ACYP2: variants seen among roughly 807,000 people sequenced by gnomAD.
ACYP2 encodes acylphosphatase-2.
Under a neutral mutation model 11.2 loss-of-function variants are expected in ACYP2, and 12 were observed. That is an observed-to-expected ratio of 1.08 (90% confidence interval 0.69 to 1.74). The LOEUF is 1.74. Among genes scored for constraint, ACYP2 ranks in the 40% most tolerant of loss-of-function variants. The probability of loss-of-function intolerance (pLI) is 0.00; values close to 1 mark genes in which losing one functional copy is unlikely to be tolerated. For synonymous variants in ACYP2, 43 were observed against 32.2 expected (o/e 1.33, Z -1.13); for missense variants, 134 against 101.9 (o/e 1.31, Z -1.35).
At chr2:54,171,652 C>T (rs1294850204) in intron 6 of ACYP2, among the ~76,000 whole-genome samples, 2 of 151,368 alleles carry the variant, frequency 1.3e-5, no homozygotes, top group Non-Finnish European at 2.9e-5. Context: ...GTTTTTTTTT[C>T]CTGTAAGAGC....
chr2:54,236,647 G>A (rs1037967874), intron 6 of ACYP2, among the ~76,000 whole-genome samples: 1 of 152,124 alleles, frequency 6.6e-6, no homozygotes, highest in African/African-American at 2.4e-5. Context: ...AAGCCAATGT[G>A]TATATTCTGA....
chr2:54,224,357 C>T (rs1572958621), intron 6 of ACYP2, among the ~76,000 whole-genome samples: 1 of 152,180 alleles, frequency 6.6e-6, no homozygotes, highest in African/African-American at 2.4e-5. Context: ...AGCTATGAAA[C>T]AGTTTTCAGC....
rs1335456930 is a variant in ACYP2, at chr2:54,197,935, ATGTATTATAT to A, written c.404+59194_404+59203del. Among the ~76,000 whole-genome samples the A allele has an allele frequency of 4.2e-3, 547 of 131,008 alleles. 42 individuals carry two copies. Among genetic ancestry groups the A allele is most frequent in the East Asian group, 0.012 (51 of 4,254 alleles). 85.9% of individuals were successfully genotyped at this position (131,008 alleles called of 152,430 possible). A position where few individuals can be genotyped will look rare whatever the true frequency, so the allele number is the denominator to read the frequency against. ...TTTTATTATTTTATTTTATTTATGT[ATGTATTATAT>A]TGTATTGTATTGTATTGTATTGTAT... On this transcript the variant is annotated intron_variant, in intron 6 of 6. Coordinates refer to ENST00000607452, the MANE Select transcript of ACYP2 (RefSeq NM_001320586.2).
intron 6 of ACYP2, among the ~76,000 whole-genome samples, chr2:54,170,900 A>C (rs192528918): frequency 6.6e-6 from 1 of 152,206 alleles, no homozygotes; most frequent in East Asian, 1.9e-4. Flanking sequence ...GCCTGACACA[A>C]TCACCTCCTC....
rs59874821 is a variant in ACYP2 at position 54,201,636 on chromosome 2, C to CTTTCTTTCTT, written c.404+62889_404+62890insTTCTTTCTTT. Among the ~76,000 whole-genome samples the CTTTCTTTCTT allele has an allele frequency of 6.0e-3, 563 of 93,620 alleles. 12 individuals are homozygous for CTTTCTTTCTT. Among genetic ancestry groups the CTTTCTTTCTT allele is most frequent in the East Asian group, 0.036 (112 of 3,086 alleles). The allele number at this position is 93,620 out of a possible 152,430, so 61.4% of individuals were successfully genotyped here. On this transcript the variant is annotated intron_variant, in intron 6 of 6. Coordinates refer to ENST00000607452, the MANE Select transcript of ACYP2 (RefSeq NM_001320586.2). ...TCTTTCTTTCTTTGTTTCTTTCTTT[C>CTTTCTTTCTT]TCTTTCTTTCTTTCTTTCTTTCTTT...
chr2:54,191,959 C>T (rs1684259807), intron 6 of ACYP2, among the ~76,000 whole-genome samples: 1 of 152,144 alleles, frequency 6.6e-6, no homozygotes, highest in South Asian at 2.1e-4. Context: ...TGGTGTATGG[C>T]AGGCACCCAA....
chr2:54,008,539 G>C (rs1391206253), intron 2 of ACYP2, among the ~76,000 whole-genome samples: 1 of 152,202 alleles, frequency 6.6e-6, no homozygotes, highest in Admixed American at 6.5e-5. Flanking sequence ...CTTCTGCTAA[G>C]ACAGAGTGAC....
intron 6 of ACYP2, among the ~76,000 whole-genome samples, chr2:54,272,542 A>C (rs1387114354): frequency 6.6e-6 from 1 of 152,222 alleles, no homozygotes; most frequent in African/African-American, 2.4e-5. Flanking sequence ...TTTGAGGTTA[A>C]TTTATCTCAG....
chr2:54,078,568 A>C (rs1677473070), intron 4 of ACYP2, among the ~76,000 whole-genome samples: 1 of 150,184 alleles, frequency 6.7e-6, no homozygotes. Context: ...TAAACATTTT[A>C]TTATTTTAAT....
chr2:54,141,108 C>T (rs538644591), intron 6 of ACYP2, among the ~76,000 whole-genome samples: 1 of 152,124 alleles, frequency 6.6e-6, no homozygotes, highest in African/African-American at 2.4e-5. Flanking sequence ...TCATGAACTC[C>T]CTTTTCACAT....
At chr2:54,266,066 A>G (rs1688003764) in intron 6 of ACYP2, among the ~76,000 whole-genome samples, 1 of 152,206 alleles carries the variant, frequency 6.6e-6, no homozygotes, top group Non-Finnish European at 1.5e-5. Context: ...ACAGTTCTGT[A>G]ATTGCTGACA....
chr2:53,980,334 T>C (rs1558449593), intron 2 of ACYP2, among the ~76,000 whole-genome samples: 2 of 151,548 alleles, frequency 1.3e-5, no homozygotes, highest in Admixed American at 6.6e-5. Context: ...GCCTGGGAGA[T>C]AGAGTGAGAC....
chr2:54,135,075 G>A (rs760454982), intron 4 of ACYP2, among the ~76,000 whole-genome samples: 10 of 151,958 alleles, frequency 6.6e-5, no homozygotes, highest in Non-Finnish European at 1.0e-4. Flanking sequence ...CACTACTCTC[G>A]TGCTTCGGGG....
intron 5 of ACYP2, 50 bp from the exon 3 acceptor site, chr2:54,138,589 C>A: frequency 1.4e-6 from 2 of 1,455,348 alleles, no homozygotes; most frequent in Non-Finnish European, 1.9e-6. Context: ...ATGTTATGAA[C>A]TCAGACTTTT....
At chr2:54,134,214 G>A (rs1028353609) in intron 4 of ACYP2, among the ~76,000 whole-genome samples, 1 of 152,144 alleles carries the variant, frequency 6.6e-6, no homozygotes, top group Non-Finnish European at 1.5e-5. Context: ...GATCCCTTGA[G>A]CCCAGGAGTT....
At position 54,009,021 on chromosome 2, in the gene ACYP2, C is replaced by T. The variant is rs189590955; in HGVS notation, c.62+35211C>T. 4.3e-3 allele frequency among the ~76,000 whole-genome samples: 646 copies of T among 151,222 alleles called. 3 individuals are homozygous for T. The highest frequency in any genetic ancestry group is 7.6e-3 in the Non-Finnish European group (514 of 67,814). On this transcript the variant is annotated intron_variant, in intron 2 of 6. Coordinates refer to ENST00000607452, the MANE Select transcript of ACYP2 (RefSeq NM_001320586.2). ...TACAAAAATTAGCCGGGAGTGGTGGCGGGCACCTGTAATCCTAGCTACTCA... is the reference window on the plus strand; with the variant it reads ...TACAAAAATTAGCCGGGAGTGGTGGTGGGCACCTGTAATCCTAGCTACTCA...
chr2:54,235,852 A>C (rs1686454617), intron 6 of ACYP2, among the ~76,000 whole-genome samples: 1 of 152,144 alleles, frequency 6.6e-6, no homozygotes, highest in Admixed American at 6.5e-5. Context: ...ACCAACCAAC[A>C]ACAACAATAA....
intron 4 of ACYP2, among the ~76,000 whole-genome samples, chr2:54,124,692 T>C (rs1219513302): frequency 2.0e-5 from 3 of 152,096 alleles, no homozygotes; most frequent in Non-Finnish European, 4.4e-5. Flanking sequence ...TAGTTAAAAA[T>C]GCTTTTATTT....
chr2:54,288,172 C>T (rs962634221), intron 6 of ACYP2, among the ~76,000 whole-genome samples: 1 of 151,974 alleles, frequency 6.6e-6, no homozygotes, highest in Non-Finnish European at 1.5e-5. Flanking sequence ...AAGCAAGCTG[C>T]CTTAAGATGT....
Sources: gnomAD v4.1 joint callset for allele counts (sites outside exome capture counted in the v4.1 genomes callset) on GRCh38, gnomAD v4.1.1 for gene constraint, MANE v1.5 for transcripts, NCBI Gene and HGNC (gene_info 2026-07-23, HGNC 2026-07-21) for gene names.